Variants in MUSK observed in about 807,000 individuals in gnomAD.
MUSK encodes muscle, skeletal receptor tyrosine-protein kinase.
Under a neutral mutation model 88.7 loss-of-function variants are expected in MUSK, and 55 were observed. The ratio of observed to expected loss-of-function variants is 0.62; its 90% confidence interval spans 0.50 to 0.78. MUSK has a LOEUF of 0.78. Ranked by LOEUF, MUSK falls within the 30% of genes least tolerant of loss-of-function variation. The probability of loss-of-function intolerance (pLI) is 0.00; values close to 1 mark genes in which losing one functional copy is unlikely to be tolerated. For missense variants in MUSK, 1,015 were observed against 1,074.3 expected, an observed-to-expected ratio of 0.94 and a Z score of 0.77; for synonymous variants, 387 against 391.9, an observed-to-expected ratio of 0.99 and a Z score of 0.15.
chr9:110,756,881 CGT>C (rs1188406180), intron 7 of MUSK, among the ~76,000 whole-genome samples: 2 of 151,682 alleles, frequency 1.3e-5, no homozygotes, highest in African/African-American at 4.8e-5. Flanking sequence ...ATATTTCCTA[CGT>C]GTGTGTGTCT....
chr9:110,675,277 A>G (rs990145170), intron 1 of MUSK, among the ~76,000 whole-genome samples: 28 of 131,978 alleles, frequency 2.1e-4, no homozygotes, highest in Non-Finnish European at 3.5e-4. Flanking sequence ...GCTGGAGTGC[A>G]GTGTCGCGAT....
chr9:110,712,159 GAAA>G (rs35254603), intron 5 of MUSK, among the ~76,000 whole-genome samples: 11,199 of 141,866 alleles, frequency 0.079, 512 homozygotes, highest in East Asian at 0.2. Flanking sequence ...TGTTTATTCT[GAAA>G]AAAAAAAAAA....
intron 1 of MUSK, among the ~76,000 whole-genome samples, chr9:110,675,754 G>C (rs2076019487): frequency 1.3e-5 from 2 of 149,620 alleles, no homozygotes; most frequent in South Asian, 4.2e-4. Flanking sequence ...ATTTTTAGTA[G>C]AGATGGGATT....
At chr9:110,799,531 T>G (rs1252174395) in intron 14 of MUSK, among the ~76,000 whole-genome samples, 1 of 152,224 alleles carries the variant, frequency 6.6e-6, no homozygotes, top group Non-Finnish European at 1.5e-5. Flanking sequence ...ACTTGATACA[T>G]CTTTCTTATT....
chr9:110,803,417 T>C lies in MUSK; in HGVS notation c.*2429T>C, dbSNP rs1588056570. 6.6e-6 allele frequency among the ~76,000 whole-genome samples: 1 copy of C among 152,206 alleles called. No individual in the cohort carries two copies. Among genetic ancestry groups the C allele is most frequent in the East Asian group, 1.9e-4 (1 of 5,186 alleles). ...TCAGCCTCCAACAGTCACAGAGAGA[T>C]TGTGCAACTGGCCCGAGTGCACACA... On this transcript the variant is annotated 3_prime_UTR_variant, in exon 15 of 15. Coordinates refer to ENST00000374448, the MANE Select transcript of MUSK (RefSeq NM_005592.4).
intron 3 of MUSK, among the ~76,000 whole-genome samples, chr9:110,694,867 T>A (rs974886300): frequency 1.3e-5 from 2 of 152,160 alleles, no homozygotes; most frequent in African/African-American, 4.8e-5. Context: ...ATGACAGAAT[T>A]TCTTCTGATT....
In MUSK at chr9:110,800,966, C is replaced by T; in HGVS notation, c.2588C>T (p.Ala863Val). ...HRILERMCER[A>V]EGTVSV The stretch of plus-strand genomic sequence containing the variant: ...ATTCTGGAACGCATGTGTGAGAGGG[C>T]AGAGGGAACTGTGAGTGTCTAAGGT... Residue 863 changes from alanine to valine, a missense_variant, in exon 15 of 15, where the codon GCA (alanine) becomes GTA (valine). Transcript: ENST00000374448. 1.3e-6 allele frequency: 2 copies of T among 1,519,004 alleles called. No individual in the cohort carries two copies. Among genetic ancestry groups the T allele is most frequent in the Non-Finnish European group, 1.8e-6 (2 of 1,135,790 alleles). The allele number at this position is 1,519,004 out of a possible 1,614,324, so 94.1% of individuals were successfully genotyped here. A position where few individuals can be genotyped will look rare whatever the true frequency, so the allele number is the denominator to read the frequency against.
At chr9:110,707,534 G>C (rs1439055153) in intron 5 of MUSK, among the ~76,000 whole-genome samples, 2 of 152,150 alleles carry the variant, frequency 1.3e-5, no homozygotes, top group African/African-American at 4.8e-5. Context: ...GATGGATGCT[G>C]GAGTGTATCA....
rs1200923498 is a variant in MUSK, at chr9:110,767,896, G to T, written c.997G>T (p.Ala333Ser). ...GTGTAATGCAGTCCTGGCAAAAGAT[G>T]CTCTTGTTTTTCTCAACACCTCCTA... The part of the protein sequence containing the change: ...EVCNAVLAKD[A>S]LVFLNTSYAD... Residue 333 changes from alanine (A) to serine (S), a missense_variant, in exon 9 of 15, where the codon GCT (alanine) becomes TCT (serine). Coordinates refer to ENST00000374448, the MANE Select transcript of MUSK (RefSeq NM_005592.4). 3 of 1,613,860 alleles carry T rather than the reference G, an allele frequency of 1.9e-6. No individual in the cohort carries two copies. The African/African-American group carries it at 4.0e-5, about 22-fold the overall frequency.
At chr9:110,783,340 T>A (rs1011328053) in intron 11 of MUSK, among the ~76,000 whole-genome samples, 3 of 152,112 alleles carry the variant, frequency 2.0e-5, no homozygotes, top group African/African-American at 7.2e-5. Flanking sequence ...ATTATAAATA[T>A]GGAAATTTTA....
intron 11 of MUSK, among the ~76,000 whole-genome samples, chr9:110,781,673 A>G (rs532865373): frequency 9.2e-5 from 14 of 152,216 alleles, no homozygotes; most frequent in Non-Finnish European, 1.6e-4. Flanking sequence ...CTGGAGTCCA[A>G]GAAGTCCAAG....
rs1290350027 is a variant in MUSK at position 110,701,661 on chromosome 9, A to AT, written c.628+4198dup. ...ACTACTGTGCTCAGCTATTTATTTT[A>AT]TTTATTTTATTTTATTTTTTTTACT... On this transcript the variant is annotated intron_variant, in intron 5 of 14. Coordinates refer to ENST00000374448, the MANE Select transcript of MUSK (RefSeq NM_005592.4). 9.6e-5 allele frequency among the ~76,000 whole-genome samples: 2 copies of AT among 20,812 alleles called. 1 individual carries two copies. Among genetic ancestry groups the AT allele is most frequent in the Non-Finnish European group, 1.8e-4 (2 of 11,232 alleles). 13.7% of individuals were successfully genotyped at this position (20,812 alleles called of 152,430 possible).
At position 110,745,101 on chromosome 9, in the gene MUSK, G is replaced by T. The variant is rs2131869327; in HGVS notation, c.754-2540G>T. ...ACTGAATCAAGCAAGGCCTCTGGAA[G>T]CAGGGGGAAAAGCATTCAGGAGTCA... On this transcript the variant is annotated intron_variant, in intron 6 of 14. Coordinates refer to ENST00000374448, the MANE Select transcript of MUSK (RefSeq NM_005592.4). 1.3e-5 allele frequency among the ~76,000 whole-genome samples: 2 copies of T among 152,318 alleles called. 1 individual carries two copies. The highest frequency in any genetic ancestry group is 4.2e-4 in the South Asian group (2 of 4,818).
intron 9 of MUSK, among the ~76,000 whole-genome samples, chr9:110,774,594 T>G (rs1267295156): frequency 6.6e-6 from 1 of 152,176 alleles, no homozygotes; most frequent in Non-Finnish European, 1.5e-5. Context: ...AATGTGCTTA[T>G]ACAACCCAGG....
intron 11 of MUSK, among the ~76,000 whole-genome samples, chr9:110,778,561 T>C (rs1053428136): frequency 3.9e-5 from 6 of 152,102 alleles, no homozygotes; most frequent in African/African-American, 1.4e-4. Flanking sequence ...TCTCTCTTAA[T>C]ACTCCCAATA....
At chr9:110,788,040 C>A in intron 14 of MUSK, 1 of 586,492 alleles carries the variant, frequency 1.7e-6, no homozygotes, top group South Asian at 2.1e-5. Flanking sequence ...TTAAATTCAT[C>A]ACTTCAATTT....
chr9:110,723,643 G>A (rs1415267022), intron 5 of MUSK, among the ~76,000 whole-genome samples: 1 of 152,206 alleles, frequency 6.6e-6, no homozygotes, highest in East Asian at 1.9e-4. Context: ...TTGAAAGGCA[G>A]TCTTCAAGTA....
Position 110,749,233 on chromosome 9 carries a change from T to A in MUSK, c.913+1433T>A, listed in dbSNP as rs527605889. ...TCCTGCCTTCCAGGGACTCTGCATC[T>A]AGAAGGAAGTCAGTCAGTCACGTAT... is the stretch of plus-strand genomic sequence containing the variant. On this transcript the variant is annotated intron_variant, in intron 7 of 14. Coordinates refer to ENST00000374448, the MANE Select transcript of MUSK (RefSeq NM_005592.4). 2.0e-5 allele frequency among the ~76,000 whole-genome samples: 3 copies of A among 152,308 alleles called. No homozygotes were observed. In the East Asian group the frequency reaches 5.8e-4, roughly 29 times the overall value.
rs916493282 is a variant in MUSK, at chr9:110,806,030, G to A, written c.*5042G>A. Among the ~76,000 whole-genome samples, 1 of 151,874 alleles carries A rather than the reference G, an allele frequency of 6.6e-6. No individual in the cohort carries two copies. The highest frequency in any genetic ancestry group is 2.4e-5 in the African/African-American group (1 of 41,372). ...ATGTTGTTTAAAAAAACTCACAAGA[G>A]GGTAAAAATTAAAAAAATAATAAAA... On this transcript the variant is annotated 3_prime_UTR_variant, in exon 15 of 15. Coordinates refer to ENST00000374448, the MANE Select transcript of MUSK (RefSeq NM_005592.4).
Sources: gnomAD v4.1 joint callset for allele counts (sites outside exome capture counted in the v4.1 genomes callset) on GRCh38, gnomAD v4.1.1 for gene constraint, MANE v1.5 for transcripts, NCBI Gene and HGNC (gene_info 2026-07-23, HGNC 2026-07-21) for gene names.